The following CD80 variants were observed in gnomAD, a reference collection of about 807,000 sequenced individuals.
CD80 encodes T-lymphocyte activation antigen CD80.
A neutral mutation model predicts 27.1 loss-of-function variants in CD80; 13 were observed. The observed-to-expected ratio is 0.48, with a 90% confidence interval of 0.31 to 0.76. The LOEUF (loss-of-function observed/expected upper bound fraction) is 0.76. Ranked by LOEUF, CD80 falls within the 30% of genes least tolerant of loss-of-function variation. CD80 has a pLI of 0.04. For missense variants in CD80, 277 were observed against 347.9 expected (o/e 0.80, Z 1.62); for synonymous variants, 125 against 125.5 (o/e 1.00, Z 0.03).
intron 4 of CD80, among the ~76,000 whole-genome samples, chr3:119,536,543 T>G (rs2082139459): frequency 6.6e-6 from 1 of 152,082 alleles, no homozygotes; most frequent in East Asian, 1.9e-4. Context: ...AGTCTCATGC[T>G]TCCCAGCTGG....
chr3:119,552,580 C>T (rs576795202), intron 2 of CD80, among the ~76,000 whole-genome samples: 1 of 149,758 alleles, frequency 6.7e-6, no homozygotes, highest in South Asian at 2.1e-4. Context: ...CACCCGTAAT[C>T]CCAGCACTTT....
intron 3 of CD80, 119 bp from the exon 4 acceptor site, chr3:119,537,537 C>T: frequency 2.8e-6 from 2 of 710,776 alleles, no homozygotes; most frequent in East Asian, 5.5e-5. Context: ...TGCAGTGGCT[C>T]ACTCCTGTAA....
chr3:119,536,205 T>G (rs1406759416), intron 4 of CD80, among the ~76,000 whole-genome samples: 1 of 151,998 alleles, frequency 6.6e-6, no homozygotes, highest in Non-Finnish European at 1.5e-5. Context: ...GAGCTGAGAT[T>G]GTGCCACTGC....
intron 6 of CD80, among the ~76,000 whole-genome samples, chr3:119,526,016 A>G (rs1211013464): frequency 6.6e-6 from 1 of 152,050 alleles, no homozygotes; most frequent in Non-Finnish European, 1.5e-5. Flanking sequence ...ATGAAGGGAA[A>G]GCTGAATTAT....
At chr3:119,540,324 G>A (rs1482098075) in intron 3 of CD80, among the ~76,000 whole-genome samples, 1 of 152,198 alleles carries the variant, frequency 6.6e-6, no homozygotes, top group Admixed American at 6.5e-5. Context: ...CAGGTTGCCA[G>A]GCAAACACTT....
chr3:119,552,264 G>A (rs911197123), intron 2 of CD80, among the ~76,000 whole-genome samples: 3 of 152,172 alleles, frequency 2.0e-5, no homozygotes, highest in South Asian at 4.1e-4. Context: ...CGAGGCAGGC[G>A]GATCAGGAGC....
At chr3:119,529,757 T>G (rs766417175) in intron 5 of CD80, 85 bp downstream of exon 5, 162 of 923,526 alleles carry the variant, frequency 1.8e-4, no homozygotes, top group Non-Finnish European at 2.7e-4. Flanking sequence ...GCGAATAGGC[T>G]AAAACCTCAG....
chr3:119,528,147 T>C (rs998113704), intron 5 of CD80, among the ~76,000 whole-genome samples: 2 of 152,172 alleles, frequency 1.3e-5, no homozygotes, highest in Admixed American at 1.3e-4. Flanking sequence ...AGAATTATCT[T>C]GCCCAAAATG....
intron 2 of CD80, among the ~76,000 whole-genome samples, chr3:119,546,815 A>AACACACACACACACACACACACACAC: frequency 6.7e-6 from 1 of 149,282 alleles, no homozygotes; most frequent in Non-Finnish European, 1.5e-5. Context: ...GTGATGCAAC[A>AACACACACACACACACACACACACAC]ACACACACAC....
At chr3:119,534,468 T>A (rs1432296245) in intron 4 of CD80, among the ~76,000 whole-genome samples, 1 of 152,116 alleles carries the variant, frequency 6.6e-6, no homozygotes, top group Non-Finnish European at 1.5e-5. Flanking sequence ...GCTTTTGTGC[T>A]ACAACCAGCA....
intron 2 of CD80, among the ~76,000 whole-genome samples, chr3:119,557,295 C>T (rs1054757271): frequency 7.2e-5 from 11 of 152,148 alleles, no homozygotes; most frequent in African/African-American, 2.4e-4. Flanking sequence ...AGGCCAGTAT[C>T]GGCACATCAC....
At chr3:119,546,846 G>T (rs2082205242) in intron 2 of CD80, among the ~76,000 whole-genome samples, 1 of 132,974 alleles carries the variant, frequency 7.5e-6, no homozygotes, top group South Asian at 2.3e-4. Flanking sequence ...ACACAGATAT[G>T]CACATGTACA....
chr3:119,542,914 G>C (rs2082178214), intron 3 of CD80, among the ~76,000 whole-genome samples: 1 of 152,130 alleles, frequency 6.6e-6, no homozygotes, highest in South Asian at 2.1e-4. Context: ...ATCAGTGCTT[G>C]AGCTATTTTG....
chr3:119,552,028 C>T (rs2082235247), intron 2 of CD80, among the ~76,000 whole-genome samples: 2 of 152,202 alleles, frequency 1.3e-5, no homozygotes, highest in Admixed American at 6.5e-5. Flanking sequence ...GGAAACTGCC[C>T]ACCTGTAGGG....
chr3:119,557,492 CT>C (rs1166795371), intron 2 of CD80, 136 bp downstream of exon 2: 3 of 528,552 alleles, frequency 5.7e-6, no homozygotes, highest in Admixed American at 7.4e-5. Flanking sequence ...GTCTTCTAAT[CT>C]TTAAAATCTT....
chr3:119,544,189 C>T (rs1369200809), intron 3 of CD80, among the ~76,000 whole-genome samples: 7 of 152,064 alleles, frequency 4.6e-5, no homozygotes, highest in African/African-American at 1.4e-4. Context: ...TACCCAGCCC[C>T]GTTACCTTTT....
chr3:119,539,149 C>G (rs2082154711), intron 3 of CD80, among the ~76,000 whole-genome samples: 1 of 152,022 alleles, frequency 6.6e-6, no homozygotes, highest in African/African-American at 2.4e-5. Flanking sequence ...TATTTGAATT[C>G]ATTTGAATTT....
chr3:119,526,515 A>T (rs542707336), intron 6 of CD80, among the ~76,000 whole-genome samples: 69 of 152,284 alleles, frequency 4.5e-4, no homozygotes, highest in African/African-American at 1.5e-3. Flanking sequence ...GGGGGAAAAT[A>T]TGTGTAGGCT....
chr3:119,553,101 CACTT>C lies in CD80; in HGVS notation c.100+4524_100+4527del, dbSNP rs796108403. Among the ~76,000 whole-genome samples the C allele has an allele frequency of 8.2e-4, 118 of 143,426 alleles. 4 individuals are homozygous for C. The highest frequency in any genetic ancestry group is 2.6e-3 in the African/African-American group (102 of 39,408). 94.1% of individuals were successfully genotyped at this position (143,426 alleles called of 152,430 possible). On this transcript the variant is annotated intron_variant, in intron 2 of 6. Coordinates refer to ENST00000264246, the MANE Select transcript of CD80 (RefSeq NM_005191.4). ...ATATACTAAAACCCACTGAATTGTA[CACTT>C]TATTTATTTATTTATTTATTTATTT...
Sources: allele counts gnomAD v4.1 joint callset (sites outside exome capture counted in the v4.1 genomes callset), GRCh38; gene constraint gnomAD v4.1.1; transcripts MANE v1.5; gene names NCBI Gene and HGNC (gene_info 2026-07-23, HGNC 2026-07-21).